The following GGACT variants were observed in gnomAD, a reference collection of about 807,000 sequenced individuals.
The protein encoded by GGACT is gamma-glutamylamine cyclotransferase, also known as gamma-glutamylaminecyclotransferase.
For synonymous variants in GGACT, 118 were observed against 115.3 expected, an observed-to-expected ratio of 1.02 and a Z score of -0.15; for missense variants, 241 against 233.2, an observed-to-expected ratio of 1.03 and a Z score of -0.22.
At chr13:100,552,661 G>A (rs957208919) in intron 2 of GGACT, among the ~76,000 whole-genome samples, 1 of 152,182 alleles carries the variant, frequency 6.6e-6, no homozygotes, top group Non-Finnish European at 1.5e-5. Context: ...GCCACTTAAT[G>A]TTTCTGTTAA....
intron 2 of GGACT, among the ~76,000 whole-genome samples, chr13:100,550,668 G>A (rs1223297381): frequency 6.6e-6 from 1 of 152,164 alleles, no homozygotes. Context: ...GGCCACTCCC[G>A]AGACAGTGGA....
At chr13:100,583,393 T>C (rs527883822) in intron 2 of GGACT, among the ~76,000 whole-genome samples, 10 of 152,340 alleles carry the variant, frequency 6.6e-5, no homozygotes, top group African/African-American at 7.2e-5. Flanking sequence ...GAAATAGTTA[T>C]AGTACGTATG....
chr13:100,572,955 TA>T (rs1875130771), intron 2 of GGACT, among the ~76,000 whole-genome samples: 1 of 152,218 alleles, frequency 6.6e-6, no homozygotes, highest in Non-Finnish European at 1.5e-5. Context: ...CATCTTTTGC[TA>T]TATAATGGCA....
chr13:100,561,751 G>A (rs970071650), intron 2 of GGACT, among the ~76,000 whole-genome samples: 1 of 152,228 alleles, frequency 6.6e-6, no homozygotes, highest in African/African-American at 2.4e-5. Flanking sequence ...AGGGGCAGAG[G>A]TGCTGCTCAG....
intron 2 of GGACT, among the ~76,000 whole-genome samples, chr13:100,563,265 G>A (rs1414581478): frequency 1.3e-5 from 2 of 152,152 alleles, no homozygotes. Flanking sequence ...AGAACACCCA[G>A]CACGGGTAAA....
At chr13:100,543,933 A>G (rs1376049473) in intron 2 of GGACT, among the ~76,000 whole-genome samples, 1 of 152,236 alleles carries the variant, frequency 6.6e-6, no homozygotes, top group Non-Finnish European at 1.5e-5. Flanking sequence ...CAGACTCACG[A>G]AGGGCATGGT....
chr13:100,568,358 A>G (rs543986899), intron 2 of GGACT, among the ~76,000 whole-genome samples: 38 of 152,354 alleles, frequency 2.5e-4, no homozygotes, highest in African/African-American at 9.1e-4. Flanking sequence ...GAAACTTACA[A>G]CCATGGCAGA....
intron 2 of GGACT, among the ~76,000 whole-genome samples, chr13:100,558,830 TA>T (rs1484197540): frequency 2.0e-5 from 3 of 152,000 alleles, no homozygotes; most frequent in Non-Finnish European, 1.5e-5. Flanking sequence ...CTGAGGTAGC[TA>T]GGGGGAGAGG....
intron 2 of GGACT, among the ~76,000 whole-genome samples, chr13:100,564,412 C>T (rs1265578869): frequency 6.6e-6 from 1 of 151,968 alleles, no homozygotes; most frequent in East Asian, 1.9e-4. Flanking sequence ...TTCAAAGAAC[C>T]AGAAGAGCTA....
At chr13:100,541,394 C>A (rs907397759) in intron 2 of GGACT, among the ~76,000 whole-genome samples, 1 of 152,212 alleles carries the variant, frequency 6.6e-6, no homozygotes, top group African/African-American at 2.4e-5. Context: ...CTTGAGCTTC[C>A]ATTTCCTCCT....
At chr13:100,569,010 C>T (rs1246268279) in intron 2 of GGACT, among the ~76,000 whole-genome samples, 2 of 152,268 alleles carry the variant, frequency 1.3e-5, no homozygotes, top group Non-Finnish European at 2.9e-5. Context: ...GGTGGGCTCT[C>T]ATGGCCTTGG....
chr13:100,561,258 C>T (rs1254554916), intron 2 of GGACT, among the ~76,000 whole-genome samples: 1 of 152,194 alleles, frequency 6.6e-6, no homozygotes, highest in African/African-American at 2.4e-5. Flanking sequence ...GTATAAGCAA[C>T]ACTTCCATAT....
At chr13:100,584,789 T>A (rs900239100) in intron 1 of GGACT, among the ~76,000 whole-genome samples, 1 of 151,988 alleles carries the variant, frequency 6.6e-6, no homozygotes, top group Non-Finnish European at 1.5e-5. Context: ...AAAAATTAAC[T>A]ATCAAAAAAG....
At position 100,530,472 on chromosome 13, in the gene GGACT, C is replaced by G; in HGVS notation, c.*1658G>C. On this transcript the variant is annotated 3_prime_UTR_variant, in exon 3 of 3. Coordinates refer to ENST00000683975, the MANE Select transcript of GGACT (RefSeq NM_001195087.2). ...CCTTTCTTTGAATGAAGACAATGTA[C>G]ACATAGGCGACAGGCTCTGCCAGTA... 8.4e-6 allele frequency: 4 copies of G among 474,846 alleles called. No homozygotes were observed. The South Asian group carries it at 8.5e-5, about 10-fold the overall frequency. The allele number at this position is 474,846 out of a possible 1,614,324, so 29.4% of individuals were successfully genotyped here.
At chr13:100,550,075 G>C (rs186526770) in intron 2 of GGACT, among the ~76,000 whole-genome samples, 1 of 152,034 alleles carries the variant, frequency 6.6e-6, no homozygotes, top group Non-Finnish European at 1.5e-5. Context: ...AAGGCAATTC[G>C]GCATGTGTCC....
chr13:100,578,123 G>C (rs950952038), intron 2 of GGACT, among the ~76,000 whole-genome samples: 2 of 152,128 alleles, frequency 1.3e-5, no homozygotes, highest in Non-Finnish European at 2.9e-5. Context: ...ACTGGCATCT[G>C]GGCGTCCACA....
At chr13:100,560,813 G>A (rs2088752747) in intron 2 of GGACT, among the ~76,000 whole-genome samples, 1 of 152,216 alleles carries the variant, frequency 6.6e-6, no homozygotes, top group Admixed American at 6.5e-5. Context: ...AGGACATGGT[G>A]TCCTAAAGTA....
rs550006144 is a variant in GGACT at position 100,585,822 on chromosome 13, C to CAAAAAAAAAAA, written c.-183-1836_-183-1826dup. 9.5e-4 allele frequency among the ~76,000 whole-genome samples: 28 copies of CAAAAAAAAAAA among 29,544 alleles called. 2 individuals carry two copies. The highest frequency in any genetic ancestry group is 1.7e-3 in the Non-Finnish European group (22 of 12,834). 19.4% of individuals were successfully genotyped at this position (29,544 alleles called of 152,430 possible). A position where few individuals can be genotyped will look rare whatever the true frequency, so the allele number is the denominator to read the frequency against. ...CAGCCTGGGCAATACCTGTCTCCAC[C>CAAAAAAAAAAA]AAAAAAAAAAAAAAAAAAAAAAAAA... On this transcript the variant is annotated intron_variant, in intron 1 of 2. Transcript: ENST00000683975.
intron 2 of GGACT, among the ~76,000 whole-genome samples, chr13:100,552,300 T>C (rs1210994776): frequency 6.6e-6 from 1 of 152,092 alleles, no homozygotes; most frequent in Admixed American, 6.5e-5. Context: ...ATCCCACACA[T>C]GGGAAACTGA....
Sources: gnomAD v4.1 joint callset for allele counts (sites outside exome capture counted in the v4.1 genomes callset) on GRCh38, gnomAD v4.1.1 for gene constraint, MANE v1.5 for transcripts, NCBI Gene and HGNC (gene_info 2026-07-23, HGNC 2026-07-21) for gene names.